COL16A1: variants seen among roughly 807,000 people sequenced by gnomAD.
COL16A1 encodes collagen type XVI alpha 1 chain, also known as collagen alpha-1(XVI) chain.
Under a neutral mutation model 266.3 loss-of-function variants are expected in COL16A1, and 189 were observed. The observed-to-expected ratio is 0.71, with a 90% CI of 0.63 to 0.80. COL16A1 has a LOEUF of 0.80. Among genes scored for constraint, COL16A1 ranks in the 30% least tolerant of loss-of-function variants. COL16A1 has a pLI of 0.00. For synonymous variants in COL16A1, 740 were observed against 782.3 expected, an observed-to-expected ratio of 0.95 and a Z score of 0.90; for missense variants, 1,928 against 2,122.4, an observed-to-expected ratio of 0.91 and a Z score of 1.80.
chr1:31,667,028 C>T (rs1183489740), intron 52 of COL16A1, among the ~76,000 whole-genome samples: 1 of 152,196 alleles, frequency 6.6e-6, no homozygotes, highest in East Asian at 1.9e-4. Context: ...TTGCTGAATC[C>T]CACTGGGGCC....
chr1:31,682,171 C>T (rs1452752082), intron 37 of COL16A1, among the ~76,000 whole-genome samples: 1 of 152,208 alleles, frequency 6.6e-6, no homozygotes, highest in African/African-American at 2.4e-5. Context: ...GGAGTAGAAG[C>T]TGACGACTAT....
intron 62 of COL16A1, 150 bp downstream of exon 62, chr1:31,660,435 G>C: frequency 1.0e-6 from 1 of 992,622 alleles, no homozygotes. Flanking sequence ...CGAAAAGCCT[G>C]GAAACCACAG....
chr1:31,674,884 A>G lies in COL16A1; in HGVS notation c.2859+123T>C, dbSNP rs76690933. On this transcript the variant is annotated intron_variant, in intron 44 of 70. Transcript: ENST00000373672. ...AGGCCCTCTTAGACAGATGCTTGGA[A>G]TGCGTATTCCCTGCAAACTGCTGCT... 9.8e-3 allele frequency: 14,296 copies of G among 1,451,736 alleles called. 122 individuals are homozygous for G. Among genetic ancestry groups the G allele is most frequent in the East Asian group, 0.035 (1,419 of 40,334 alleles). The allele number at this position is 1,451,736 out of a possible 1,614,324, so 89.9% of individuals were successfully genotyped here.
chr1:31,693,225 CT>C (rs772082038), intron 12 of COL16A1, 71 bp from the exon 13 acceptor site: 2 of 979,060 alleles, frequency 2.0e-6, no homozygotes, highest in Non-Finnish European at 3.3e-6. Context: ...GCTCTCCCCA[CT>C]TCTGGCCCCC....
At chr1:31,692,351 G>A in intron 16 of COL16A1, 123 bp downstream of exon 16, 2 of 1,436,260 alleles carry the variant, frequency 1.4e-6, no homozygotes, top group Non-Finnish European at 1.9e-6. Context: ...GGGGGAGGGA[G>A]GGTCCTGCCA....
rs1191194111 is a variant in COL16A1, at chr1:31,652,861, G to A, written c.4613-8C>T. On this transcript the variant is annotated splice_region_variant and splice_polypyrimidine_tract_variant and intron_variant, in intron 70 of 70. Transcript: ENST00000373672. This position sits in a 1 kb window ranked among gnomAD's most constrained non-coding sequence, Gnocchi z 4.8. ...CTGGAGGACCTTGAGGACCTAGGGAGGGAAGGGCCACAGAGGGAAAATCAG... is the reference window on the plus strand; with the variant it reads ...CTGGAGGACCTTGAGGACCTAGGGAAGGAAGGGCCACAGAGGGAAAATCAG... The A allele has an allele frequency of 6.7e-7, 1 of 1,493,058 alleles. No homozygotes were observed. Among genetic ancestry groups the A allele is most frequent in the Non-Finnish European group, 8.9e-7 (1 of 1,122,930 alleles). 92.5% of individuals were successfully genotyped at this position (1,493,058 alleles called of 1,614,324 possible).
At position 31,682,965 on chromosome 1, in the gene COL16A1, C is replaced by A; in HGVS notation, c.2507G>T (p.Gly836Val). The A allele has an allele frequency of 1.9e-6, 3 of 1,614,032 alleles. No individual in the cohort carries two copies. Among genetic ancestry groups the A allele is most frequent in the Non-Finnish European group, 2.5e-6 (3 of 1,180,024 alleles). ...PGVKGATGPV[G>V]PPGASVSGPP... is the part of the protein sequence containing the mutation. Reference sequence around the variant, plus strand: ...CCCAGAGACACTGGCCCCAGGAGGTCCCACAGGTCCGGTGGCTCCTTTCAC... The same window carrying A: ...CCCAGAGACACTGGCCCCAGGAGGTACCACAGGTCCGGTGGCTCCTTTCAC... The change falls in exon 37 of 71, where the codon GGA (glycine) becomes GTA (valine). Residue 836 changes from glycine to valine, a missense_variant. Gly to Val is a moderately radical substitution (Grantham distance 109). Around this residue, in one of 2 missense-constraint regions of COL16A1, gnomAD observed 1,552 missense variants for 1,637.2 expected, o/e 0.95. Coordinates refer to ENST00000373672, the MANE Select transcript of COL16A1 (RefSeq NM_001856.4).
In COL16A1 at chr1:31,663,606, C is replaced by CCCTG. The variant is rs1641876391; in HGVS notation, c.3556-949_3556-948insCAGG. 1 of 152,140 alleles carries CCCTG rather than the reference C, an allele frequency of 6.6e-6. No homozygotes were observed. Among genetic ancestry groups the CCCTG allele is most frequent in the South Asian group, 2.1e-4 (1 of 4,828 alleles). 9.4% of individuals were successfully genotyped at this position (152,140 alleles called of 1,614,324 possible). A position where few individuals can be genotyped will look rare whatever the true frequency, so the allele number is the denominator to read the frequency against. On this transcript the variant is annotated intron_variant, in intron 56 of 70. Transcript: ENST00000373672. This position sits in a 1 kb window ranked among gnomAD's most constrained non-coding sequence, Gnocchi z 4.9. ...TCTGGGGGAGCCTAGAAGCTGGGGG[C>CCCTG]ATGAAGTGGGGACTGAAGAGAGGGA... is the stretch of plus-strand genomic sequence containing the variant.
At position 31,672,818 on chromosome 1, in the gene COL16A1, T is replaced by G. The variant is rs781224019; in HGVS notation, c.2882A>C (p.Gln961Pro). The change falls in exon 45 of 71, where the codon CAG (glutamine) becomes CCG (proline). Residue 961 changes from glutamine (Q) to proline (P), a missense_variant. By Grantham distance (76) the Gln-to-Pro change is moderately conservative. Coordinates refer to ENST00000373672, the MANE Select transcript of COL16A1 (RefSeq NM_001856.4). Reference protein sequence around the residue: ...LLKSICGDCVQGQRAHPGYLV... With the variant: ...LLKSICGDCVPGQRAHPGYLV... ...GTACCCTGGGTGGGCCCTCTGCCCC[T>G]GGACACAGTCCCCGCAGATACTCTG... The G allele has an allele frequency of 2.5e-6, 4 of 1,614,032 alleles. No homozygotes were observed. In the East Asian group the frequency reaches 6.7e-5, roughly 27 times the overall value.
chr1:31,690,645 C>G (rs748245719), intron 20 of COL16A1, 72 bp from the exon 21 acceptor site: 19 of 1,572,932 alleles, frequency 1.2e-5, no homozygotes, highest in Non-Finnish European at 1.6e-5. Context: ...CCCTTCCCCA[C>G]CCGTGCCCCT....
chr1:31,661,507 C>A lies in COL16A1; in HGVS notation c.3727-49G>T. On this transcript the variant is annotated intron_variant, in intron 59 of 70. Transcript: ENST00000373672. ...TCATGTCCCTCATGTCAGCTGGGGG[C>A]CTCTTCCCACTCCTCCTTCCTCAGT... The A allele has an allele frequency of 3.1e-6, 5 of 1,613,532 alleles. No homozygotes were observed. The South Asian group carries it at 4.4e-5, about 14-fold the overall frequency.
chr1:31,658,606 G>A (rs1203313187), intron 63 of COL16A1, 29 bp from the exon 64 acceptor site: 4 of 1,569,964 alleles, frequency 2.5e-6, no homozygotes, highest in Non-Finnish European at 3.5e-6. Context: ...GACAGTGAGA[G>A]GGGAGGAAAG....
rs749524145 is a variant in COL16A1 at position 31,695,193 on chromosome 1, T to C, written c.974A>G (p.Asp325Gly). ...CACCCTCCATTCACTCACATTGCTG[T>C]CCCGGGCACCATGGACACAGGGCGG... is the stretch of plus-strand genomic sequence containing the variant. ...ECPPCVHGAR[D>G]SNVTLAPSGP... Residue 325 changes from aspartate to glycine, a missense_variant, in exon 11 of 71, where the codon GAC becomes GGC. Coordinates refer to ENST00000373672, the MANE Select transcript of COL16A1 (RefSeq NM_001856.4). 1.2e-6 allele frequency: 2 copies of C among 1,613,764 alleles called. No individual in the cohort carries two copies. The highest frequency in any genetic ancestry group is 1.7e-6 in the Non-Finnish European group (2 of 1,179,934).
chr1:31,697,976 G>C lies in COL16A1; in HGVS notation c.587C>G (p.Pro196Arg). Residue 196 changes from proline (P) to arginine (R), a missense_variant, in exon 6 of 71, where the codon CCC becomes CGC. Transcript: ENST00000373672. The surrounding 1 kb of genome is among the most constrained non-coding windows in gnomAD (Gnocchi z 4.2). ...GCCCACAGGCCTCATGGGTCGTCGGGGCCCCAGAGGCTGGGAGGAGGCTGA... is the reference window on the plus strand; with the variant it reads ...GCCCACAGGCCTCATGGGTCGTCGGCGCCCCAGAGGCTGGGAGGAGGCTGA... ...CSSASSQPLG[P>R]RRPMRPVGHV... The C allele has an allele frequency of 1.2e-6, 2 of 1,613,450 alleles. No individual in the cohort carries two copies. The highest frequency in any genetic ancestry group is 1.7e-6 in the Non-Finnish European group (2 of 1,180,020).
In COL16A1 at chr1:31,665,920, G is replaced by A. The variant is rs770009606; in HGVS notation, c.3418C>T (p.Arg1140Ter). The A allele has an allele frequency of 3.1e-6, 5 of 1,614,040 alleles. No homozygotes were observed. The highest frequency in any genetic ancestry group is 3.3e-4 in the Middle Eastern group (2 of 6,062). Residue 1140 changes from arginine (R) to a stop codon, truncating the protein, a stop_gained, in exon 54 of 71, where the codon CGA (arginine) becomes TGA (stop). Coordinates refer to ENST00000373672, the MANE Select transcript of COL16A1 (RefSeq NM_001856.4). LOFTEE classifies it high-confidence loss of function. ...TCACCGGAGTTACCTTGGGGTCCTC[G>A]CTCTCCTCTGGGACCCTGTCACCCA... is the stretch of plus-strand genomic sequence containing the variant. ...PPGPAGPRGE[R>*]GPQGNSGEKG... is the part of the protein sequence containing the mutation.
rs375892175 is a variant in COL16A1, at chr1:31,672,443, C to T, written c.3078G>A (p.Pro1026=). ...CVGSPGLPGP[P]GLPGQRGEEG... ...CTTCTCCTCTCTGGCCTGGCAATCC[C>T]GGAGGACCAGGTAGGCCTGGGCTCC... The change falls in exon 47 of 71, where the codon CCG becomes CCA. Residue 1026 remains proline (P), a synonymous_variant. Coordinates refer to ENST00000373672, the MANE Select transcript of COL16A1 (RefSeq NM_001856.4). The T allele has an allele frequency of 5.0e-5, 81 of 1,614,046 alleles. No individual in the cohort carries two copies. Among genetic ancestry groups the T allele is most frequent in the East Asian group, 6.7e-5 (3 of 44,892 alleles).
chr1:31,673,077 C>T, intron 44 of COL16A1: 1 of 591,458 alleles, frequency 1.7e-6, no homozygotes, highest in Non-Finnish European at 3.1e-6. Context: ...TACAGCTAAG[C>T]CAAAGCCACT....
chr1:31,665,339 T>C (rs1443083229), intron 55 of COL16A1, 105 bp from the exon 56 acceptor site: 10 of 1,509,104 alleles, frequency 6.6e-6, no homozygotes, highest in Admixed American at 4.5e-5. Context: ...GCAATTCATT[T>C]TGACTTCCTA....
intron 26 of COL16A1, among the ~76,000 whole-genome samples, chr1:31,687,560 T>G (rs1570536241): frequency 2.2e-5 from 3 of 134,982 alleles, no homozygotes; most frequent in African/African-American, 2.8e-5. Context: ...GTGGTGGGCG[T>G]GGAGAGAAGT....
Sources: allele counts gnomAD v4.1 joint callset (sites outside exome capture counted in the v4.1 genomes callset), GRCh38; gene constraint gnomAD v4.1.1; regional missense constraint gnomAD v4.1.1; non-coding constraint Gnocchi (gnomAD v3.1); transcripts MANE v1.5; gene names NCBI Gene and HGNC (gene_info 2026-07-23, HGNC 2026-07-21).